The following APBB1IP variants were observed in gnomAD, a reference collection of about 807,000 sequenced individuals.
APBB1IP encodes the protein amyloid beta A4 precursor protein-binding family B member 1-interacting protein.
A neutral mutation model predicts 64.9 loss-of-function variants in APBB1IP; 27 were observed. The observed-to-expected ratio is 0.42, with a 90% confidence interval of 0.31 to 0.57. The LOEUF is 0.57. Ranked by LOEUF, APBB1IP falls within the 20% of genes least tolerant of loss-of-function variation. The pLI, the probability that APBB1IP is intolerant of heterozygous loss-of-function variation, is 0.20. For synonymous variants in APBB1IP, 392 were observed against 331.0 expected, an observed-to-expected ratio of 1.18 and a Z score of -2.00; for missense variants, 812 against 845.5, an observed-to-expected ratio of 0.96 and a Z score of 0.49.
chr10:26,563,513 G>A (rs559491906), intron 14 of APBB1IP, among the ~76,000 whole-genome samples: 10 of 152,160 alleles, frequency 6.6e-5, no homozygotes, highest in Admixed American at 1.3e-4. Flanking sequence ...TTTTTCAACC[G>A]AATAGATCAG....
chr10:26,444,270 G>T (rs890200923), intron 2 of APBB1IP, among the ~76,000 whole-genome samples: 1 of 152,108 alleles, frequency 6.6e-6, no homozygotes, highest in Non-Finnish European at 1.5e-5. Context: ...GTATGAGAAG[G>T]GCGAGGAGAT....
At chr10:26,438,882 C>T (rs374244291) in intron 2 of APBB1IP, 29 bp downstream of exon 2, 272 of 152,290 alleles carry the variant, frequency 1.8e-3, no homozygotes, top group African/African-American at 5.7e-3. Flanking sequence ...CCCGGGAGCC[C>T]TGGGAGCGCC....
At chr10:26,503,110 G>A (rs761585909) in intron 5 of APBB1IP, 87 bp from the exon 6 acceptor site, 98 of 1,248,934 alleles carry the variant, frequency 7.8e-5, no homozygotes, top group Non-Finnish European at 1.1e-4. Flanking sequence ...TTAATACAAC[G>A]TAGCTGAGAC....
chr10:26,446,468 A>G (rs893405408), intron 2 of APBB1IP, among the ~76,000 whole-genome samples: 1 of 152,216 alleles, frequency 6.6e-6, no homozygotes, highest in African/African-American at 2.4e-5. Context: ...GGTAAGTGCT[A>G]TGCAGTGTGG....
intron 11 of APBB1IP, among the ~76,000 whole-genome samples, chr10:26,551,927 G>GTGGATGGATGGA (rs59758757): frequency 6.7e-6 from 1 of 149,972 alleles, no homozygotes; most frequent in South Asian, 2.1e-4. Flanking sequence ...AGATGGGTGG[G>GTGGATGGATGGA]TGGATGGATG....
chr10:26,505,930 C>T (rs1327820867), intron 6 of APBB1IP, among the ~76,000 whole-genome samples: 1 of 152,136 alleles, frequency 6.6e-6, no homozygotes, highest in African/African-American at 2.4e-5. Flanking sequence ...CCTCCAGTCC[C>T]TGCATGACAT....
At chr10:26,528,116 A>G (rs1836501350) in intron 8 of APBB1IP, among the ~76,000 whole-genome samples, 1 of 152,182 alleles carries the variant, frequency 6.6e-6, no homozygotes, top group African/African-American at 2.4e-5. Flanking sequence ...CTTAGAATCC[A>G]TGCATCGTCC....
At chr10:26,524,175 T>C (rs1422107409) in intron 8 of APBB1IP, among the ~76,000 whole-genome samples, 1 of 152,016 alleles carries the variant, frequency 6.6e-6, no homozygotes, top group African/African-American at 2.4e-5. Context: ...CAACTTCTTC[T>C]CCCCAAAGCA....
chr10:26,483,471 G>A (rs2132424056), intron 2 of APBB1IP, among the ~76,000 whole-genome samples: 1 of 152,274 alleles, frequency 6.6e-6, no homozygotes, highest in Non-Finnish European at 1.5e-5. Flanking sequence ...ACACCTAATA[G>A]TTATTCGCTG....
chr10:26,444,616 A>G (rs4749133), intron 2 of APBB1IP, among the ~76,000 whole-genome samples: 58,715 of 151,738 alleles, frequency 0.39, 11,502 homozygotes, highest in South Asian at 0.49. Context: ...GCAAGTTGGA[A>G]GGGAGATGAT....
intron 2 of APBB1IP, among the ~76,000 whole-genome samples, chr10:26,447,721 A>T (rs757927927): frequency 4.6e-5 from 7 of 152,040 alleles, no homozygotes; most frequent in Non-Finnish European, 1.0e-4. Context: ...AAAAAGAACC[A>T]TGACTTTTCT....
At chr10:26,482,924 GA>G (rs35279566) in intron 2 of APBB1IP, among the ~76,000 whole-genome samples, 90,817 of 129,902 alleles carry the variant, frequency 0.7, 31,626 homozygotes, top group East Asian at 0.81. Context: ...TTTCTCAAGT[GA>G]AAAAAAAAAA....
intron 7 of APBB1IP, among the ~76,000 whole-genome samples, chr10:26,512,271 A>G (rs923852318): frequency 6.6e-6 from 1 of 152,224 alleles, no homozygotes; most frequent in Non-Finnish European, 1.5e-5. Context: ...AAGCACTATT[A>G]CTGCTGCTTC....
At chr10:26,440,697 A>AT (rs572138196) in intron 2 of APBB1IP, among the ~76,000 whole-genome samples, 2 of 152,190 alleles carry the variant, frequency 1.3e-5, no homozygotes, top group East Asian at 3.9e-4. Flanking sequence ...TATTTATTAC[A>AT]TTTTTTGTAT....
intron 2 of APBB1IP, among the ~76,000 whole-genome samples, chr10:26,480,289 C>A (rs1319374140): frequency 6.6e-6 from 1 of 152,166 alleles, no homozygotes; most frequent in Non-Finnish European, 1.5e-5. Flanking sequence ...CCCAGGTGAC[C>A]TCCCAGCAAC....
chr10:26,525,487 T>A (rs934003039), intron 8 of APBB1IP, among the ~76,000 whole-genome samples: 2 of 150,286 alleles, frequency 1.3e-5, no homozygotes, highest in Non-Finnish European at 2.9e-5. Flanking sequence ...AAGGTAAGAC[T>A]TTTTCTCCCC....
At chr10:26,457,125 C>T (rs1349621330) in intron 2 of APBB1IP, among the ~76,000 whole-genome samples, 1 of 152,126 alleles carries the variant, frequency 6.6e-6, no homozygotes, top group Non-Finnish European at 1.5e-5. Flanking sequence ...CCAAGTGGCT[C>T]CTTTTAGACA....
intron 2 of APBB1IP, among the ~76,000 whole-genome samples, chr10:26,479,329 A>G (rs996064802): frequency 6.6e-6 from 1 of 151,948 alleles, no homozygotes; most frequent in East Asian, 1.9e-4. Flanking sequence ...AAAAATTGAC[A>G]TATATAACAA....
At chr10:26,510,776 A>ACACACAC (rs59647298) in intron 6 of APBB1IP, among the ~76,000 whole-genome samples, 3 of 151,026 alleles carry the variant, frequency 2.0e-5, no homozygotes, top group Admixed American at 6.6e-5. Context: ...ACACACACAC[A>ACACACAC]AATGAAAATT....
Sources: gnomAD v4.1 joint callset for allele counts (sites outside exome capture counted in the v4.1 genomes callset) on GRCh38, gnomAD v4.1.1 for gene constraint, MANE v1.5 for transcripts, NCBI Gene and HGNC (gene_info 2026-07-23, HGNC 2026-07-21) for gene names.